Variants in NASP observed in about 807,000 individuals in gnomAD.
NASP encodes NASP histone chaperone.
NASP carries 24 observed loss-of-function variants against 89.5 expected under a neutral mutation model. The observed-to-expected ratio is 0.27, with a 90% CI of 0.19 to 0.38. The LOEUF (loss-of-function observed/expected upper bound fraction) is 0.38, where lower values mean the gene tolerates loss of function less well. NASP is among the 10% of genes least tolerant of loss of function. The pLI is 1.00. For missense variants in NASP, 848 were observed against 921.4 expected, an observed-to-expected ratio of 0.92 and a Z score of 1.03; for synonymous variants, 306 against 324.7, an observed-to-expected ratio of 0.94 and a Z score of 0.62.
At chr1:45,590,201 T>C (rs1327585101) in intron 1 of NASP, among the ~76,000 whole-genome samples, 2 of 152,120 alleles carry the variant, frequency 1.3e-5, no homozygotes, top group Non-Finnish European at 2.9e-5. Flanking sequence ...AGTACTGCCT[T>C]AGTTCACCCT....
chr1:45,585,335 T>A (rs1252919558), intron 1 of NASP, among the ~76,000 whole-genome samples: 3 of 152,218 alleles, frequency 2.0e-5, no homozygotes, highest in Admixed American at 6.5e-5. Context: ...TGAAGTTTTT[T>A]AAATTGATAT....
At position 45,595,129 on chromosome 1, in the gene NASP, T is replaced by TGTGTGTG. The variant is rs1643658891; in HGVS notation, c.107+3859_107+3860insGTGTGTG. Among the ~76,000 whole-genome samples the TGTGTGTG allele has an allele frequency of 7.0e-4, 78 of 111,866 alleles. 2 individuals carry two copies. The East Asian group carries it at 0.01, about 14-fold the overall frequency. 73.4% of individuals were successfully genotyped at this position (111,866 alleles called of 152,430 possible). ...CTGCCTCAGCCTGCCAGACTAAGTT[T>TGTGTGTG]TGTGTGTGTGTGTGTGTGTGTGTGT... On this transcript the variant is annotated intron_variant, in intron 2 of 14. Transcript: ENST00000350030.
At chr1:45,585,042 G>T (rs1460992042) in intron 1 of NASP, among the ~76,000 whole-genome samples, 1 of 152,204 alleles carries the variant, frequency 6.6e-6, no homozygotes. Context: ...GCACTGTTTG[G>T]TTGCTAGGTG....
At chr1:45,597,823 T>C (rs148573306) in intron 2 of NASP, among the ~76,000 whole-genome samples, 474 of 152,270 alleles carry the variant, frequency 3.1e-3, no homozygotes, top group Middle Eastern at 0.017. Flanking sequence ...TAGAACTCCT[T>C]TAGTTCTTTA....
intron 1 of NASP, among the ~76,000 whole-genome samples, chr1:45,589,957 A>G (rs533794903): frequency 5.5e-4 from 83 of 152,260 alleles, no homozygotes; most frequent in African/African-American, 1.8e-3. Flanking sequence ...ATGAACATCC[A>G]TTTATAATTT....
chr1:45,613,674 A>C (rs1644055258), intron 7 of NASP, among the ~76,000 whole-genome samples: 1 of 152,108 alleles, frequency 6.6e-6, no homozygotes, highest in African/African-American at 2.4e-5. Flanking sequence ...TATTTTGTTT[A>C]GACGGCTGTC....
Position 45,618,370 on chromosome 1 carries a change from T to C in NASP, c.*229T>C, listed in dbSNP as rs559361463. ...CTGTACTGATCTGTGTTCCTGATCC[T>C]AATTCCTATCTGTCTAACGTGGAGG... On this transcript the variant is annotated 3_prime_UTR_variant, in exon 15 of 15. Transcript: ENST00000350030. 7.2e-6 allele frequency: 3 copies of C among 414,654 alleles called. No homozygotes were observed. In the Admixed American group the frequency reaches 1.1e-4, roughly 15 times the overall value. 25.7% of individuals were successfully genotyped at this position (414,654 alleles called of 1,614,324 possible). A position where few individuals can be genotyped will look rare whatever the true frequency, so the allele number is the denominator to read the frequency against.
chr1:45,586,309 G>GTGT (rs1420228919), intron 1 of NASP, among the ~76,000 whole-genome samples: 24 of 135,972 alleles, frequency 1.8e-4, no homozygotes, highest in African/African-American at 6.6e-4. Flanking sequence ...GTGTGTGTGT[G>GTGT]GTGTGTGTGT....
rs376406297 is a variant in NASP, at chr1:45,604,880, C to T, written c.219-56C>T. The T allele has an allele frequency of 1.3e-5, 17 of 1,304,748 alleles. No homozygotes were observed. The African/African-American group carries it at 2.1e-4, about 16-fold the overall frequency. The allele number at this position is 1,304,748 out of a possible 1,614,324, so 80.8% of individuals were successfully genotyped here. ...TCAATTTATAACTGAAGAACTAGAACTAAATGTTTTAGATTAGATGGTAAT... is the reference window on the plus strand; with the variant it reads ...TCAATTTATAACTGAAGAACTAGAATTAAATGTTTTAGATTAGATGGTAAT... On this transcript the variant is annotated intron_variant, in intron 3 of 14. Transcript: ENST00000350030.
In NASP at chr1:45,616,689, C is replaced by T; in HGVS notation, c.2143C>T (p.Leu715Phe). 6.2e-7 allele frequency: 1 copy of T among 1,613,618 alleles called. No homozygotes were observed. Among genetic ancestry groups the T allele is most frequent in the Non-Finnish European group, 8.5e-7 (1 of 1,179,490 alleles). ...AAATTGTGTGACTGATATTTCCCAC[C>T]TTGTCAGAAAGAAGGTAAGTCTACA... is the stretch of plus-strand genomic sequence containing the variant. ...SSNCVTDISH[L>F]VRKKRKPEEE... Residue 715 changes from leucine to phenylalanine, a missense_variant, in exon 13 of 15, where the codon CTT becomes TTT. Physicochemically the swap from Leu to Phe is conservative, Grantham distance 22 (BLOSUM62 0). Transcript: ENST00000350030.
At chr1:45,594,323 CAAAA>C (rs34229497) in intron 2 of NASP, among the ~76,000 whole-genome samples, 36 of 129,556 alleles carry the variant, frequency 2.8e-4, no homozygotes, top group African/African-American at 1.0e-3. Context: ...GCGAAACTCT[CAAAA>C]AAAAAAAACA....
chr1:45,609,331 T>G (rs968714720), intron 6 of NASP: 5 of 152,226 alleles, frequency 3.3e-5, no homozygotes, highest in African/African-American at 1.2e-4. Context: ...TTCAATACTT[T>G]GAACTCATTC....
chr1:45,584,062 C>G lies in NASP; in HGVS notation c.-85C>G. 7.6e-7 allele frequency: 1 copy of G among 1,323,514 alleles called. No homozygotes were observed. The highest frequency in any genetic ancestry group is 1.5e-5 in the African/African-American group (1 of 68,464). The allele number at this position is 1,323,514 out of a possible 1,614,324, so 82.0% of individuals were successfully genotyped here. A position where few individuals can be genotyped will look rare whatever the true frequency, so the allele number is the denominator to read the frequency against. On this transcript the variant is annotated 5_prime_UTR_variant, in exon 1 of 15. Transcript: ENST00000350030. ...GGGTCTCTAATCTGCCATTTTCTGTCCCTGAGTGAGTCTCTGGCGTCCCAA... is the reference window on the plus strand; with the variant it reads ...GGGTCTCTAATCTGCCATTTTCTGTGCCTGAGTGAGTCTCTGGCGTCCCAA...
intron 6 of NASP, chr1:45,609,378 A>T (rs1267969076): frequency 6.6e-6 from 1 of 152,156 alleles, no homozygotes; most frequent in East Asian, 1.9e-4. Flanking sequence ...AGGTCCCTGT[A>T]CTCCAGCCAA....
intron 2 of NASP, among the ~76,000 whole-genome samples, chr1:45,593,128 C>T (rs1643592943): frequency 2.0e-5 from 3 of 152,116 alleles, no homozygotes; most frequent in African/African-American, 7.2e-5. Context: ...TCCTAGAAAA[C>T]GTAGCATTCC....
chr1:45,595,129 T>TTGTGTGTGTGTGTGTGTGTGTG (rs57391869), intron 2 of NASP, among the ~76,000 whole-genome samples: 1 of 111,784 alleles, frequency 8.9e-6, no homozygotes, highest in Non-Finnish European at 1.8e-5. Context: ...AGACTAAGTT[T>TTGTGTGTGTGTGTGTGTGTGTG]TGTGTGTGTG....
intron 14 of NASP, 143 bp downstream of exon 14, chr1:45,617,734 G>A (rs1383252387): frequency 2.8e-6 from 3 of 1,058,906 alleles, no homozygotes; most frequent in Non-Finnish European, 4.0e-6. Context: ...CGGTACTTGT[G>A]CAGGAAAACA....
intron 1 of NASP, among the ~76,000 whole-genome samples, chr1:45,585,072 G>C (rs140656294): frequency 6.6e-6 from 1 of 152,198 alleles, no homozygotes; most frequent in African/African-American, 2.4e-5. Flanking sequence ...TAGTATGCAC[G>C]AAGTGGAGAA....
At chr1:45,587,649 C>G (rs1289797968) in intron 1 of NASP, among the ~76,000 whole-genome samples, 1 of 49,406 alleles carries the variant, frequency 2.0e-5, no homozygotes. Context: ...TGAGGTTTGT[C>G]TTGAGTTTTT....
Sources: gnomAD v4.1 joint callset for allele counts (sites outside exome capture counted in the v4.1 genomes callset) on GRCh38, gnomAD v4.1.1 for gene constraint, MANE v1.5 for transcripts, NCBI Gene and HGNC (gene_info 2026-07-23, HGNC 2026-07-21) for gene names.